NF1: variants seen among roughly 807,000 people sequenced by gnomAD.
The protein encoded by NF1 is neurofibromin.
In NF1, 122 loss-of-function variants were observed where a neutral mutation model predicts 325.7. The ratio of observed to expected loss-of-function variants is 0.37; its 90% CI spans 0.32 to 0.44. The LOEUF is 0.44. Among genes scored for constraint, NF1 ranks in the 20% least tolerant of loss-of-function variants. The probability of loss-of-function intolerance (pLI) is 1.00; values close to 1 mark genes in which losing one functional copy is unlikely to be tolerated. For synonymous variants in NF1, 1,091 were observed against 1,186.0 expected, an observed-to-expected ratio of 0.92 and a Z score of 1.65; for missense variants, 2,140 against 3,415.4, an observed-to-expected ratio of 0.63 and a Z score of 9.31.
chr17:31,356,315 A>C (rs2070269154), intron 51 of NF1, 145 bp from the exon 52 acceptor site: 1 of 742,846 alleles, frequency 1.3e-6, no homozygotes, highest in Non-Finnish European at 2.2e-6. Flanking sequence ...AAAGGAAAGA[A>C]ACTGCTCCAG....
chr17:31,229,201 C>G lies in NF1; in HGVS notation c.2586C>G (p.Thr862=), dbSNP rs1567848941. ...AGAGAAGCAATTCTGGCCTGGCAAC[C>G]TATAGCCCACCCATGGGTCCAGTCA... ...LQQRSNSGLA[T]YSPPMGPVSE... is the part of the protein sequence containing the mutation. The change falls in exon 21 of 58, where the codon ACC becomes ACG. Residue 862 remains threonine, a synonymous_variant. Coordinates refer to ENST00000358273, the MANE Select transcript of NF1 (RefSeq NM_001042492.3). 2 of 1,612,010 alleles carry G rather than the reference C, an allele frequency of 1.2e-6. No homozygotes were observed. The highest frequency in any genetic ancestry group is 1.7e-6 in the Non-Finnish European group (2 of 1,179,828).
chr17:31,222,018 T>C (rs1284091810), intron 15 of NF1, 89 bp downstream of exon 15: 5 of 1,340,470 alleles, frequency 3.7e-6, no homozygotes, highest in Non-Finnish European at 4.8e-6. Context: ...ACTTAGTACA[T>C]TGTAAAACTT....
chr17:31,349,819 A>G (rs1008659386), intron 49 of NF1, among the ~76,000 whole-genome samples: 2 of 152,210 alleles, frequency 1.3e-5, no homozygotes, highest in African/African-American at 4.8e-5. Context: ...CAATTCTTGA[A>G]CATAGTTGTT....
chr17:31,356,608 T>C (rs370716273), intron 52 of NF1, 26 bp downstream of exon 52: 1 of 1,612,870 alleles, frequency 6.2e-7, no homozygotes, highest in African/African-American at 1.3e-5. Flanking sequence ...TTGATCTAGA[T>C]CATTGAAAAT....
intron 36 of NF1, among the ~76,000 whole-genome samples, chr17:31,310,148 C>A (rs1467993581): frequency 6.6e-6 from 1 of 151,800 alleles, no homozygotes; most frequent in East Asian, 1.9e-4. Context: ...GTGGTGTGTA[C>A]CTGAAGTACC....
At chr17:31,221,479 G>A (rs1240671918) in intron 14 of NF1, among the ~76,000 whole-genome samples, 2 of 152,050 alleles carry the variant, frequency 1.3e-5, no homozygotes, top group East Asian at 3.8e-4. Context: ...TATTAATTTT[G>A]GCAAGCCTTC....
intron 12 of NF1, among the ~76,000 whole-genome samples, chr17:31,211,270 A>G (rs1235767831): frequency 1.3e-5 from 2 of 152,186 alleles, no homozygotes; most frequent in African/African-American, 2.4e-5. Context: ...TTTTTCTTAC[A>G]TTTCTAATTA....
chr17:31,337,685 A>G (rs562930307), intron 43 of NF1, 103 bp downstream of exon 43: 1 of 1,408,174 alleles, frequency 7.1e-7, no homozygotes, highest in East Asian at 2.5e-5. Context: ...TTTTGTACTT[A>G]ATGCTTAAAT....
At position 31,240,196 on chromosome 17, in the gene NF1, A is replaced by G. The variant is rs571175323; in HGVS notation, c.3974+4175A>G. ...ATCTCATTTATATTCTTTTGTACAC[A>G]TTAACCATCCCCGGTCTCCCCTTCC... On this transcript the variant is annotated intron_variant, in intron 29 of 57. Transcript: ENST00000358273. Among the ~76,000 whole-genome samples, 185 of 152,308 alleles carry G rather than the reference A, an allele frequency of 1.2e-3. 3 individuals carry two copies. The South Asian group carries it at 0.036, about 29-fold the overall frequency.
chr17:31,271,148 T>C (rs1477840787), intron 36 of NF1, among the ~76,000 whole-genome samples: 2 of 152,224 alleles, frequency 1.3e-5, no homozygotes, highest in African/African-American at 4.8e-5. Context: ...TAAATCTTTG[T>C]AGATGAGCAT....
chr17:31,310,183 C>A (rs917904667), intron 36 of NF1, among the ~76,000 whole-genome samples: 1 of 151,462 alleles, frequency 6.6e-6, no homozygotes, highest in Non-Finnish European at 1.5e-5. Flanking sequence ...AGGTAAAGAA[C>A]AATATTGGGC....
chr17:31,172,387 C>G (rs1341353586), intron 5 of NF1, among the ~76,000 whole-genome samples: 1 of 148,902 alleles, frequency 6.7e-6, no homozygotes, highest in Non-Finnish European at 1.5e-5. Context: ...CTCTTTCTCT[C>G]GATATACCTA....
chr17:31,353,415 C>T (rs2070201319), intron 51 of NF1, among the ~76,000 whole-genome samples: 1 of 152,110 alleles, frequency 6.6e-6, no homozygotes, highest in Non-Finnish European at 1.5e-5. Flanking sequence ...GAGGATTGCT[C>T]GAGTCCAGGA....
chr17:31,335,137 A>G (rs2069612975), intron 40 of NF1, 106 bp downstream of exon 40: 1 of 925,892 alleles, frequency 1.1e-6, no homozygotes, highest in African/African-American at 1.7e-5. Flanking sequence ...TAGAGTTGTA[A>G]AAAACACAGT....
intron 8 of NF1, among the ~76,000 whole-genome samples, chr17:31,192,239 A>G (rs1361208830): frequency 6.6e-6 from 1 of 152,240 alleles, no homozygotes; most frequent in Non-Finnish European, 1.5e-5. Flanking sequence ...AATACGAGTG[A>G]CCATGGCCCG....
rs781147524 is a variant in NF1 at position 31,261,860 on chromosome 17, A to G, written c.4724+3A>G. On this transcript the variant is annotated splice_donor_region_variant and intron_variant, in intron 35 of 57. Coordinates refer to ENST00000358273, the MANE Select transcript of NF1 (RefSeq NM_001042492.3). ...AAGTTTGAGGAATTTATGACTAGGT[A>G]AAGTACAACCTTGAAATAGTTGATT... 10 of 1,612,884 alleles carry G rather than the reference A, an allele frequency of 6.2e-6. No homozygotes were observed. The highest frequency in any genetic ancestry group is 1.3e-5 in the African/African-American group (1 of 74,990).
At chr17:31,307,553 G>A (rs1488891667) in intron 36 of NF1, among the ~76,000 whole-genome samples, 1 of 152,186 alleles carries the variant, frequency 6.6e-6, no homozygotes, top group Admixed American at 6.5e-5. Flanking sequence ...GCTAAAACTT[G>A]GAGAGTTAAG....
Position 31,327,539 on chromosome 17 carries a change from CAA to C in NF1, c.5312_5313del (p.Lys1771SerfsTer10), listed in dbSNP as rs2151540910. 1 of 1,614,066 alleles carries C rather than the reference CAA, an allele frequency of 6.2e-7. No homozygotes were observed. Among genetic ancestry groups the C allele is most frequent in the Non-Finnish European group, 8.5e-7 (1 of 1,180,030 alleles). On this transcript the variant is annotated frameshift_variant, in exon 38 of 58. Coordinates refer to ENST00000358273, the MANE Select transcript of NF1 (RefSeq NM_001042492.3). LOFTEE classifies it high-confidence loss of function. The stretch of plus-strand genomic sequence containing the variant: ...GTCCAAGTAACTTCAGCAGAGCGAA[CAA>C]AAGTCCTAGGGCAATCAGTCTTTCT...
chr17:31,120,888 G>A (rs568578564), intron 1 of NF1, among the ~76,000 whole-genome samples: 2 of 151,802 alleles, frequency 1.3e-5, no homozygotes, highest in South Asian at 4.2e-4. Flanking sequence ...CAAATCAAAA[G>A]TTAAAGAAAG....
Sources: gnomAD v4.1 joint callset for allele counts (sites outside exome capture counted in the v4.1 genomes callset) on GRCh38, gnomAD v4.1.1 for gene constraint, MANE v1.5 for transcripts, NCBI Gene and HGNC (gene_info 2026-07-23, HGNC 2026-07-21) for gene names.